Variants in KIAA1549 observed in about 807,000 individuals in gnomAD.
KIAA1549 encodes KIAA1549, also known as UPF0606 protein KIAA1549.
In KIAA1549, 70 loss-of-function variants were observed where a neutral mutation model predicts 156.4. The ratio of observed to expected loss-of-function variants is 0.45; its 90% confidence interval spans 0.37 to 0.55. KIAA1549 has a LOEUF of 0.55. KIAA1549 is among the 20% of genes least tolerant of loss of function. KIAA1549 has a pLI of 0.00. For synonymous variants in KIAA1549, 1,103 were observed against 1,066.4 expected, an observed-to-expected ratio of 1.03 and a Z score of -0.67; for missense variants, 2,428 against 2,540.9, an observed-to-expected ratio of 0.96 and a Z score of 0.96.
At chr7:138,886,232 T>C (rs1193989178) in intron 10 of KIAA1549, among the ~76,000 whole-genome samples, 1 of 152,200 alleles carries the variant, frequency 6.6e-6, no homozygotes, top group African/African-American at 2.4e-5. Context: ...GCTAACTTTA[T>C]GCACAAATGA....
chr7:138,941,894 T>C (rs572702192), intron 1 of KIAA1549, among the ~76,000 whole-genome samples: 65 of 150,182 alleles, frequency 4.3e-4, no homozygotes, highest in African/African-American at 1.5e-3. Context: ...TAAGGAAATC[T>C]TAAAAAACGT....
At chr7:138,962,983 G>A (rs1435038066) in intron 1 of KIAA1549, among the ~76,000 whole-genome samples, 1 of 152,190 alleles carries the variant, frequency 6.6e-6, no homozygotes, top group African/African-American at 2.4e-5. Context: ...ACATGCCACT[G>A]GATAGTCACT....
chr7:138,930,426 A>G (rs1812837250), intron 1 of KIAA1549, among the ~76,000 whole-genome samples: 2 of 152,258 alleles, frequency 1.3e-5, no homozygotes, highest in African/African-American at 4.8e-5. Flanking sequence ...TAGCTGTGAA[A>G]GTCCTAGATG....
In KIAA1549 at chr7:138,859,702, A is replaced by G. The variant is rs560592813; in HGVS notation, c.5247+1437T>C. 2.0e-5 allele frequency among the ~76,000 whole-genome samples: 3 copies of G among 152,304 alleles called. No homozygotes were observed. The East Asian group carries it at 5.8e-4, about 29-fold the overall frequency. ...GCAACCTGGGGCAACTGGAGGACTC[A>G]GTTCACTTCTCATTGACCCCTGTCC... is the stretch of plus-strand genomic sequence containing the variant. On this transcript the variant is annotated intron_variant, in intron 16 of 19. Coordinates refer to ENST00000422774, the MANE Select transcript of KIAA1549 (RefSeq NM_001164665.2).
intron 17 of KIAA1549, among the ~76,000 whole-genome samples, chr7:138,851,732 C>T (rs1810239807): frequency 2.0e-5 from 3 of 152,196 alleles, no homozygotes; most frequent in Admixed American, 1.3e-4. Context: ...ACTTATGATT[C>T]ACCCTTACTC....
intron 1 of KIAA1549, among the ~76,000 whole-genome samples, chr7:138,923,655 A>G (rs2130491806): frequency 6.6e-6 from 1 of 152,306 alleles, no homozygotes; most frequent in Admixed American, 6.5e-5. Flanking sequence ...TACTGATGGT[A>G]TAAATGAACA....
chr7:138,884,641 A>T (rs1193251257), intron 10 of KIAA1549, among the ~76,000 whole-genome samples: 10 of 152,234 alleles, frequency 6.6e-5, no homozygotes, highest in Non-Finnish European at 1.5e-4. Context: ...TTAACCCGGT[A>T]TAATGTGGCT....
chr7:138,931,974 T>C (rs1462887080), intron 1 of KIAA1549, among the ~76,000 whole-genome samples: 1 of 151,950 alleles, frequency 6.6e-6, no homozygotes, highest in Admixed American at 6.6e-5. Flanking sequence ...AGGTGTGTGG[T>C]GGGGAGGCGT....
intron 12 of KIAA1549, among the ~76,000 whole-genome samples, chr7:138,878,253 G>C (rs1200131122): frequency 6.6e-6 from 1 of 151,950 alleles, no homozygotes; most frequent in Non-Finnish European, 1.5e-5. Flanking sequence ...GAGGCCACAA[G>C]CGTGTCAGTG....
intron 1 of KIAA1549, among the ~76,000 whole-genome samples, chr7:138,928,380 AG>A (rs1175346137): frequency 1.4e-5 from 2 of 147,700 alleles, no homozygotes; most frequent in African/African-American, 5.0e-5. Flanking sequence ...TCTGCCTCCC[AG>A]GTTCAAGCAA....
In KIAA1549 at chr7:138,868,043, T is replaced by C. The variant is rs776545103; in HGVS notation, c.4861A>G (p.Thr1621Ala). ...CTGTAGGTGCCATCGCTGTCTGTGG[T>C]GATGAGCCGGTCCTTCTCAGCGTCG... ...PADAEKDRLI[T>A]TDSDGTYRRP... The change falls in exon 15 of 20, where the codon ACC (threonine) becomes GCC (alanine). Residue 1621 changes from threonine (T) to alanine (A), a missense_variant. Physicochemically the swap from Thr to Ala is moderately conservative, Grantham distance 58 (BLOSUM62 0). Around this residue, in one of 5 missense-constraint regions of KIAA1549, gnomAD observed 404 missense variants for 417.0 expected, o/e 0.97. Transcript: ENST00000422774. 6.2e-7 allele frequency: 1 copy of C among 1,613,912 alleles called. No individual in the cohort carries two copies. Among genetic ancestry groups the C allele is most frequent in the South Asian group, 1.1e-5 (1 of 91,042 alleles).
In KIAA1549 at chr7:138,835,373, G is replaced by C. The variant is rs1462210185; in HGVS notation, c.*2533C>G. The C allele has an allele frequency of 9.4e-6, 2 of 213,806 alleles. No individual in the cohort carries two copies. The highest frequency in any genetic ancestry group is 1.9e-5 in the Non-Finnish European group (2 of 105,738). 13.2% of individuals were successfully genotyped at this position (213,806 alleles called of 1,614,324 possible). ...GGCTGTTTATTATACATCATCTTTG[G>C]TCTTGACATCTGTTTAAAGGTGTAT... On this transcript the variant is annotated 3_prime_UTR_variant, in exon 20 of 20. Coordinates refer to ENST00000422774, the MANE Select transcript of KIAA1549 (RefSeq NM_001164665.2).
chr7:138,939,840 A>C (rs926264789), intron 1 of KIAA1549, among the ~76,000 whole-genome samples: 3 of 152,102 alleles, frequency 2.0e-5, no homozygotes, highest in African/African-American at 7.2e-5. Context: ...GGGTTTTTTA[A>C]GCCTGCATTA....
At chr7:138,902,385 A>G (rs942959182) in intron 8 of KIAA1549, among the ~76,000 whole-genome samples, 5 of 152,142 alleles carry the variant, frequency 3.3e-5, no homozygotes, top group African/African-American at 1.2e-4. Context: ...CCTGCCAGCC[A>G]ACACCCCCTG....
chr7:138,974,685 A>G (rs1014863384), intron 1 of KIAA1549, among the ~76,000 whole-genome samples: 1 of 151,702 alleles, frequency 6.6e-6, no homozygotes, highest in Non-Finnish European at 1.5e-5. Context: ...AGCCTCCCAA[A>G]GTGCTGGGAT....
At chr7:138,968,332 A>G (rs1814097702) in intron 1 of KIAA1549, among the ~76,000 whole-genome samples, 2 of 152,232 alleles carry the variant, frequency 1.3e-5, no homozygotes, top group African/African-American at 4.8e-5. Flanking sequence ...CTGCACATGT[A>G]TTCCAGAACT....
intron 11 of KIAA1549, among the ~76,000 whole-genome samples, chr7:138,880,279 T>C (rs990231015): frequency 3.3e-5 from 5 of 152,174 alleles, no homozygotes; most frequent in South Asian, 2.1e-4. Context: ...ATGCAGACCA[T>C]TGAGCTATCA....
Position 138,918,778 on chromosome 7 carries a change from A to T in KIAA1549, c.848T>A (p.Leu283Ter). 1 of 1,613,736 alleles carries T rather than the reference A, an allele frequency of 6.2e-7. No homozygotes were observed. The highest frequency in any genetic ancestry group is 8.5e-7 in the Non-Finnish European group (1 of 1,179,788). The change falls in exon 2 of 20, where the codon TTA becomes TAA. Residue 283 changes from leucine (L) to a stop codon, truncating the protein, a stop_gained. Coordinates refer to ENST00000422774, the MANE Select transcript of KIAA1549 (RefSeq NM_001164665.2). LOFTEE classifies it high-confidence loss of function. This position sits in a 1 kb window ranked among gnomAD's most constrained non-coding sequence, Gnocchi z 4.2. ...LTEGVETTLF[L>*]SSRSLMPQPL... ...CTGTGGCATTAAAGACCGGGAGCTT[A>T]AAAAAAGGGTGGTTTCCACACCCTC...
intron 1 of KIAA1549, among the ~76,000 whole-genome samples, chr7:138,924,063 G>A (rs550060658): frequency 6.6e-6 from 1 of 152,206 alleles, no homozygotes; most frequent in African/African-American, 2.4e-5. Flanking sequence ...CATACAACCT[G>A]GCTGTAGGAT....
Sources: gnomAD v4.1 joint callset for allele counts (sites outside exome capture counted in the v4.1 genomes callset) on GRCh38, gnomAD v4.1.1 for gene constraint, gnomAD v4.1.1 regional missense constraint, Gnocchi (gnomAD v3.1) non-coding constraint, MANE v1.5 for transcripts, NCBI Gene and HGNC (gene_info 2026-07-23, HGNC 2026-07-21) for gene names.